MAMLD1: variants seen among roughly 807,000 people sequenced by gnomAD.
MAMLD1 encodes mastermind-like domain-containing protein 1.
In MAMLD1, 14 loss-of-function variants were observed where a neutral mutation model predicts 45.0. The ratio of observed to expected loss-of-function variants is 0.31; its 90% CI spans 0.21 to 0.49. The LOEUF (loss-of-function observed/expected upper bound fraction) is 0.49, where lower values mean the gene tolerates loss of function less well. Ranked by LOEUF, MAMLD1 falls within the 20% of genes least tolerant of loss-of-function variation. The pLI is 0.99. For missense variants in MAMLD1, 543 were observed against 603.6 expected (o/e 0.90, Z 1.05); for synonymous variants, 254 against 247.8 (o/e 1.02, Z -0.24).
At chrX:150,370,411 T>G (rs1209707690) in intron 1 of MAMLD1, among the ~76,000 whole-genome samples, 2 of 112,164 alleles carry the variant, frequency 1.8e-5, no homozygotes, top group Admixed American at 1.9e-4. Context: ...TACTTCTTAT[T>G]TTTGTTGTGT....
chrX:150,498,847 G>T (rs782648822), intron 5 of MAMLD1, among the ~76,000 whole-genome samples: 1 of 112,148 alleles, frequency 8.9e-6, no homozygotes, highest in Non-Finnish European at 1.9e-5. Context: ...ATTTGCACTT[G>T]GCCAAGTAGG....
chrX:150,361,576 G>A (rs2030981528), upstream of MAMLD1: 1 of 112,628 alleles, frequency 8.9e-6, no homozygotes, highest in South Asian at 3.7e-4. Flanking sequence ...GTGACCAGAT[G>A]TGTTGGTGAC....
chrX:150,508,799 G>A (rs1316608499), intron 6 of MAMLD1, among the ~76,000 whole-genome samples: 2 of 112,409 alleles, frequency 1.8e-5, no homozygotes, highest in Non-Finnish European at 3.8e-5. Context: ...CCAGAAAGTG[G>A]ACTTGGAGCT....
At chrX:150,472,296 G>A (rs892818312) in intron 4 of MAMLD1, among the ~76,000 whole-genome samples, 4 of 112,209 alleles carry the variant, frequency 3.6e-5, no homozygotes, top group African/African-American at 9.7e-5. Flanking sequence ...TTAGTTATCT[G>A]TGGCTGCATA....
rs977325483 is a variant in MAMLD1 at position 150,412,789 on chromosome X, C to G, written c.-63-32665C>G. 7.2e-5 allele frequency among the ~76,000 whole-genome samples: 8 copies of G among 110,916 alleles called. No homozygotes were observed. In the Admixed American group the frequency reaches 7.7e-4, roughly 11 times the overall value. On this transcript the variant is annotated intron_variant, in intron 1 of 7. Coordinates refer to ENST00000370401, the MANE Select transcript of MAMLD1 (RefSeq NM_005491.5). ...CTGGAGTGCAGTGGCACACTCACAG[C>G]TCAGTGCAAACTCGACCTCCTGGGC...
chrX:150,462,923 C>G, intron 3 of MAMLD1, 77 bp downstream of exon 3: 1 of 764,481 alleles, frequency 1.3e-6, no homozygotes, highest in Non-Finnish European at 2.0e-6. Context: ...TGAAAGGGAC[C>G]TACAAGAGGT....
chrX:150,439,175 T>C (rs1557404399), intron 1 of MAMLD1, among the ~76,000 whole-genome samples: 1 of 112,314 alleles, frequency 8.9e-6, no homozygotes, highest in African/African-American at 3.2e-5. Context: ...GTCCTTTGCC[T>C]GTTTTTTATT....
At chrX:150,385,747 G>A (rs974099489) in intron 1 of MAMLD1, among the ~76,000 whole-genome samples, 4 of 111,015 alleles carry the variant, frequency 3.6e-5, no homozygotes, top group African/African-American at 1.3e-4. Flanking sequence ...CAAATTTATG[G>A]AAATACATCA....
chrX:150,363,782 C>A (rs1380333835), intron 1 of MAMLD1, among the ~76,000 whole-genome samples: 1 of 112,376 alleles, frequency 8.9e-6, no homozygotes, highest in Admixed American at 9.3e-5. Flanking sequence ...CGGCGCCCGT[C>A]GGGCGTCTGA....
At chrX:150,366,365 G>A (rs1460605478) in intron 1 of MAMLD1, among the ~76,000 whole-genome samples, 1 of 111,970 alleles carries the variant, frequency 8.9e-6, no homozygotes, top group African/African-American at 3.3e-5. Flanking sequence ...TCCCAAATGC[G>A]CGCATACACA....
At chrX:150,450,551 T>G (rs1223087223) in intron 2 of MAMLD1, among the ~76,000 whole-genome samples, 1 of 111,709 alleles carries the variant, frequency 9.0e-6, no homozygotes, top group Non-Finnish European at 1.9e-5. Flanking sequence ...TCCACATCAG[T>G]AAAGTAGGGT....
rs1473276499 is a variant in MAMLD1, at chrX:150,512,932, G to A, written c.*973G>A. 6.9e-6 allele frequency: 8 copies of A among 1,154,636 alleles called. No homozygotes were observed. Among genetic ancestry groups the A allele is most frequent in the African/African-American group, 5.4e-5 (3 of 55,806 alleles). ...AGGTAGATTTCATTGAAGCTCTCTT[G>A]AAAGGCTCCTGTGTGAGCCCAGATG... On this transcript the variant is annotated 3_prime_UTR_variant, in exon 8 of 8. Transcript: ENST00000370401.
chrX:150,400,640 C>G (rs1188804779), intron 1 of MAMLD1, among the ~76,000 whole-genome samples: 1 of 111,385 alleles, frequency 9.0e-6, no homozygotes, highest in African/African-American at 3.3e-5. Context: ...CCATCAATAC[C>G]TAATTTATTG....
At chrX:150,403,159 G>A (rs1557402543) in intron 1 of MAMLD1, among the ~76,000 whole-genome samples, 1 of 111,720 alleles carries the variant, frequency 9.0e-6, no homozygotes, top group Admixed American at 9.4e-5. Context: ...CTACATCATG[G>A]AGGAATCCCC....
chrX:150,413,126 T>C (rs2034164571), intron 1 of MAMLD1, among the ~76,000 whole-genome samples: 2 of 111,758 alleles, frequency 1.8e-5, no homozygotes, highest in South Asian at 3.8e-4. Flanking sequence ...TTTTGGGGTG[T>C]TCACTTGCTG....
At chrX:150,508,777 G>T (rs782140899) in intron 6 of MAMLD1, among the ~76,000 whole-genome samples, 293 of 112,367 alleles carry the variant, frequency 2.6e-3, no homozygotes, top group Non-Finnish European at 3.7e-3. Context: ...GGCATCTTCG[G>T]GGGGACACAG....
chrX:150,463,592 A>G (rs1297720312), intron 3 of MAMLD1, among the ~76,000 whole-genome samples: 2 of 112,070 alleles, frequency 1.8e-5, no homozygotes, highest in Admixed American at 9.4e-5. Context: ...TGTCTACACT[A>G]CAGAAAAGGA....
intron 3 of MAMLD1, among the ~76,000 whole-genome samples, chrX:150,468,978 A>T (rs868935059): frequency 3.1e-4 from 31 of 100,717 alleles, no homozygotes; most frequent in East Asian, 3.2e-4. Context: ...AATGTGTGAG[A>T]GTGTGTGTGT....
intron 1 of MAMLD1, among the ~76,000 whole-genome samples, chrX:150,405,537 C>T (rs1351070117): frequency 8.9e-6 from 1 of 111,752 alleles, no homozygotes; most frequent in African/African-American, 3.3e-5. Context: ...TGGAGCCCAC[C>T]TGTGCAGCCA....
Sources: allele counts gnomAD v4.1 joint callset (sites outside exome capture counted in the v4.1 genomes callset), GRCh38; gene constraint gnomAD v4.1.1; transcripts MANE v1.5; gene names NCBI Gene and HGNC (gene_info 2026-07-23, HGNC 2026-07-21).